SYN3: variants seen among roughly 807,000 people sequenced by gnomAD.
The protein encoded by SYN3 is synapsin-3.
A neutral mutation model predicts 65.8 loss-of-function variants in SYN3; 35 were observed. That is an observed-to-expected ratio of 0.53 (90% CI 0.41 to 0.70). The LOEUF (loss-of-function observed/expected upper bound fraction) is 0.70. SYN3 is among the 30% of genes least tolerant of loss of function. The pLI, the probability that SYN3 is intolerant of heterozygous loss-of-function variation, is 0.00. For missense variants in SYN3, 680 were observed against 749.0 expected (o/e 0.91, Z 1.08); for synonymous variants, 270 against 292.9 (o/e 0.92, Z 0.80).
intron 6 of SYN3, among the ~76,000 whole-genome samples, chr22:32,603,723 A>G (rs1217655541): frequency 6.6e-6 from 1 of 152,092 alleles, no homozygotes; most frequent in Non-Finnish European, 1.5e-5. Flanking sequence ...CACAGAGGAC[A>G]AAAAACATCT....
chr22:32,513,380 C>CTTGGTT lies in SYN3; in HGVS notation c.*311_*312insAACCAA, dbSNP rs2057716542. 3.7e-6 allele frequency: 1 copy of CTTGGTT among 270,908 alleles called. No individual in the cohort carries two copies. Among genetic ancestry groups the CTTGGTT allele is most frequent in the African/African-American group, 2.2e-5 (1 of 46,448 alleles). 16.8% of individuals were successfully genotyped at this position (270,908 alleles called of 1,614,324 possible). A position where few individuals can be genotyped will look rare whatever the true frequency, so the allele number is the denominator to read the frequency against. On this transcript the variant is annotated 3_prime_UTR_variant, in exon 14 of 14. Coordinates refer to ENST00000358763, the MANE Select transcript of SYN3 (RefSeq NM_003490.4). ...AATGTGAAAACTAGCCACTCGCAGA[C>CTTGGTT]ATCTCACTTGGTTATCTGGCAGGTA... is the stretch of plus-strand genomic sequence containing the variant.
intron 6 of SYN3, among the ~76,000 whole-genome samples, chr22:32,648,548 C>T (rs1371411767): frequency 6.6e-6 from 1 of 152,140 alleles, no homozygotes. Flanking sequence ...AAATCCTGCC[C>T]TTAGTAGTTT....
At chr22:32,621,958 G>A (rs1489815658) in intron 6 of SYN3, among the ~76,000 whole-genome samples, 2 of 151,928 alleles carry the variant, frequency 1.3e-5, no homozygotes, top group Non-Finnish European at 2.9e-5. Flanking sequence ...TGAGGATGGT[G>A]ACAGATAGGT....
chr22:32,633,957 C>T (rs974765303), intron 6 of SYN3, among the ~76,000 whole-genome samples: 7 of 151,950 alleles, frequency 4.6e-5, no homozygotes, highest in East Asian at 1.9e-4. Flanking sequence ...GAGCTGGCAC[C>T]GGCAAAGACT....
At chr22:32,795,222 A>G (rs539345073) in intron 6 of SYN3, among the ~76,000 whole-genome samples, 1 of 152,268 alleles carries the variant, frequency 6.6e-6, no homozygotes, top group Non-Finnish European at 1.5e-5. Flanking sequence ...AAAAATGTAC[A>G]GAAGCAGCAA....
intron 6 of SYN3, among the ~76,000 whole-genome samples, chr22:32,598,107 G>A (rs16990808): frequency 0.054 from 8,216 of 152,236 alleles, 523 homozygotes; most frequent in East Asian, 0.27. Context: ...CCAACTGGGG[G>A]CCATCCTGAC....
intron 2 of SYN3, among the ~76,000 whole-genome samples, chr22:32,990,420 C>G (rs1223970827): frequency 1.0e-5 from 1 of 96,906 alleles, no homozygotes; most frequent in East Asian, 5.6e-4. Context: ...ATCCATCCAT[C>G]CATCCATCCA....
chr22:32,620,473 C>T (rs1200870920), intron 6 of SYN3, among the ~76,000 whole-genome samples: 3 of 151,948 alleles, frequency 2.0e-5, no homozygotes, highest in East Asian at 1.9e-4. Flanking sequence ...TTCTTTTCTC[C>T]TAACGATAAG....
At chr22:32,750,306 A>T (rs568211352) in intron 6 of SYN3, among the ~76,000 whole-genome samples, 7 of 152,342 alleles carry the variant, frequency 4.6e-5, no homozygotes, top group African/African-American at 1.7e-4. Flanking sequence ...AATCTGAACT[A>T]GGTGTGGGAC....
At position 32,709,426 on chromosome 22, in the gene SYN3, A is replaced by G. The variant is rs139200642; in HGVS notation, c.712-112690T>C. Among the ~76,000 whole-genome samples, 13 of 152,368 alleles carry G rather than the reference A, an allele frequency of 8.5e-5. No homozygotes were observed. In the East Asian group the frequency reaches 2.5e-3, roughly 29 times the overall value. On this transcript the variant is annotated intron_variant, in intron 6 of 13. Transcript: ENST00000358763. ...TTTAAACAAAACCAAACCCAAGTGG[A>G]TCAGTTGGAACTTGCATCAAACCTC... is the stretch of plus-strand genomic sequence containing the variant.
chr22:32,946,513 A>C (rs1343905300), intron 3 of SYN3, among the ~76,000 whole-genome samples: 1 of 144,078 alleles, frequency 6.9e-6, no homozygotes, highest in Non-Finnish European at 1.5e-5. Context: ...GGACACAGGA[A>C]GGGGAACATC....
chr22:32,785,712 C>T (rs2046175737), intron 6 of SYN3, among the ~76,000 whole-genome samples: 1 of 152,204 alleles, frequency 6.6e-6, no homozygotes, highest in South Asian at 2.1e-4. Context: ...TGCTCCACAT[C>T]CCACAAGTTA....
chr22:33,030,608 GATAAAA>G (rs1008005442), intron 1 of SYN3, among the ~76,000 whole-genome samples: 10 of 151,544 alleles, frequency 6.6e-5, no homozygotes, highest in African/African-American at 2.4e-4. Context: ...GAGAGAGATA[GATAAAA>G]ATAAACACAG....
chr22:32,589,138 GC>G (rs1458738198), intron 7 of SYN3, among the ~76,000 whole-genome samples: 3 of 152,170 alleles, frequency 2.0e-5, no homozygotes, highest in African/African-American at 7.2e-5. Context: ...CTGTAACACT[GC>G]TGACTCAATA....
intron 6 of SYN3, among the ~76,000 whole-genome samples, chr22:32,761,457 C>T (rs2145721020): frequency 6.6e-6 from 1 of 152,300 alleles, no homozygotes; most frequent in East Asian, 1.9e-4. Flanking sequence ...CAGGTCACTC[C>T]TAGCCCTTCA....
intron 1 of SYN3, among the ~76,000 whole-genome samples, chr22:33,053,148 C>T (rs1172183170): frequency 6.6e-6 from 1 of 152,172 alleles, no homozygotes; most frequent in African/African-American, 2.4e-5. Flanking sequence ...GTCGGCCGGG[C>T]GCAGTGGCTC....
At chr22:32,833,611 T>C (rs1466079151) in intron 6 of SYN3, among the ~76,000 whole-genome samples, 2 of 152,138 alleles carry the variant, frequency 1.3e-5, no homozygotes, top group Non-Finnish European at 2.9e-5. Flanking sequence ...CACTGTGCCG[T>C]AGTTTAACAT....
intron 1 of SYN3, among the ~76,000 whole-genome samples, chr22:33,020,824 G>A (rs983826206): frequency 9.9e-5 from 15 of 152,168 alleles, no homozygotes; most frequent in African/African-American, 3.6e-4. Context: ...CCTGGGACCA[G>A]GTTGCTTGGG....
At chr22:33,000,766 C>T (rs2053037478) in intron 2 of SYN3, among the ~76,000 whole-genome samples, 1 of 152,112 alleles carries the variant, frequency 6.6e-6, no homozygotes, top group Admixed American at 6.5e-5. Context: ...TCCCTTTAAC[C>T]ACTTCCTCCC....
Sources: allele counts gnomAD v4.1 joint callset (sites outside exome capture counted in the v4.1 genomes callset), GRCh38; gene constraint gnomAD v4.1.1; transcripts MANE v1.5; gene names NCBI Gene and HGNC (gene_info 2026-07-23, HGNC 2026-07-21).